KEL: variants seen among roughly 807,000 people sequenced by gnomAD.
KEL encodes Kell metallo-endopeptidase (Kell blood group).
Under a neutral mutation model 99.5 loss-of-function variants are expected in KEL, and 96 were observed. The ratio of observed to expected loss-of-function variants is 0.97; its 90% CI spans 0.82 to 1.14. The LOEUF is 1.14. KEL is among the 50% of genes most tolerant of loss of function. The pLI is 0.00. For missense variants in KEL, 926 were observed against 924.2 expected (o/e 1.00, Z -0.03); for synonymous variants, 355 against 354.8 (o/e 1.00, Z -0.01).
intron 6 of KEL, among the ~76,000 whole-genome samples, chr7:142,955,588 A>G (rs1326426450): frequency 3.3e-5 from 5 of 152,080 alleles, no homozygotes; most frequent in Non-Finnish European, 7.4e-5. Flanking sequence ...TTAAATTAGC[A>G]CCCCAGGTAA....
chr7:142,943,829 G>T lies in KEL; in HGVS notation c.1546C>A (p.Arg516=), dbSNP rs8176034. ...AAGAAGCTCTGGACAATTCTAGCTC[G>T]GAGGGACCGGACACAGCTCAGGACA... ...QSVLSCVRSL[R]ARIVQSFLQP... Residue 516 remains arginine, a synonymous_variant, in exon 14 of 19, where the codon CGA becomes AGA. Coordinates refer to ENST00000355265, the MANE Select transcript of KEL (RefSeq NM_000420.3). 5,701 of 1,614,170 alleles carry T rather than the reference G, an allele frequency of 3.5e-3. 47 individuals carry two copies. Among genetic ancestry groups the T allele is most frequent in the African/African-American group, 0.029 (2,168 of 75,036 alleles).
At chr7:142,949,064 C>T (rs1796607001) in intron 10 of KEL, among the ~76,000 whole-genome samples, 1 of 152,180 alleles carries the variant, frequency 6.6e-6, no homozygotes, top group East Asian at 1.9e-4. Context: ...CACTACCATC[C>T]TACCACTGAA....
At chr7:142,943,440 C>T in intron 15 of KEL, 46 bp downstream of exon 15, 1 of 1,605,166 alleles carries the variant, frequency 6.2e-7, no homozygotes. Context: ...CACCTGTCGG[C>T]CCCTCTTGGG....
intron 6 of KEL, among the ~76,000 whole-genome samples, chr7:142,955,604 A>G (rs562196617): frequency 6.6e-6 from 1 of 152,314 alleles, no homozygotes; most frequent in South Asian, 2.1e-4. Context: ...GGTAAGCACC[A>G]TGTATATTTC....
chr7:142,952,581 C>T lies in KEL; in HGVS notation c.1131G>A (p.Leu377=), dbSNP rs1326329842. Reference sequence around the variant, plus strand: ...TGCGTGCCTCCTGGAATTGACTGTCCAGGGCTGGAGAAAGGGTCACCACCA... The same window carrying T: ...TGCGTGCCTCCTGGAATTGACTGTCTAGGGCTGGAGAAAGGGTCACCACCA... ...LGLVVTLSPA[L]DSQFQEARRK... The change falls in exon 10 of 19, where the codon CTG becomes CTA. Residue 377 remains leucine (L), a synonymous_variant. Transcript: ENST00000355265. The T allele has an allele frequency of 6.2e-7, 1 of 1,614,094 alleles. No individual in the cohort carries two copies. The highest frequency in any genetic ancestry group is 8.5e-7 in the Non-Finnish European group (1 of 1,180,018).
At chr7:142,957,388 G>T (rs894113510) in intron 6 of KEL, among the ~76,000 whole-genome samples, 9 of 152,130 alleles carry the variant, frequency 5.9e-5, no homozygotes, top group South Asian at 4.1e-4. Flanking sequence ...TGCTTGCAAA[G>T]CTTTACTAAA....
At chr7:142,959,970 G>GA (rs1485690858) in intron 4 of KEL, among the ~76,000 whole-genome samples, 2 of 152,102 alleles carry the variant, frequency 1.3e-5, no homozygotes, top group Non-Finnish European at 2.9e-5. Context: ...CCTTGCACTG[G>GA]AAATGCATGT....
At chr7:142,949,939 C>G (rs1441290796) in intron 10 of KEL, among the ~76,000 whole-genome samples, 1 of 152,182 alleles carries the variant, frequency 6.6e-6, no homozygotes, top group Admixed American at 6.5e-5. Context: ...TAACTCTATT[C>G]AAAACTAATC....
At chr7:142,946,037 A>C (rs984533689) in intron 11 of KEL, 170 bp downstream of exon 11, 19 of 622,964 alleles carry the variant, frequency 3.0e-5, no homozygotes, top group Non-Finnish European at 4.6e-5. Context: ...AACTGTTTCC[A>C]CACCAGGGAT....
Position 142,943,007 on chromosome 7 carries a change from G to A in KEL, c.1809C>T (p.Ala603=), listed in dbSNP as rs41309237. The A allele has an allele frequency of 6.2e-7, 1 of 1,614,152 alleles. No individual in the cohort carries two copies. Among genetic ancestry groups the A allele is most frequent in the Non-Finnish European group, 8.5e-7 (1 of 1,180,030 alleles). Residue 603 remains alanine, a synonymous_variant, in exon 17 of 19, where the codon GCC becomes GCT. Coordinates refer to ENST00000355265, the MANE Select transcript of KEL (RefSeq NM_000420.3). ...PGGCLACDNH[A]LQEAHLCLKR... ...TCAGGCACAGGTGAGCTTCCTGGAG[G>A]GCATGGTTGTCACAGGCGAGGCAGC... is the stretch of plus-strand genomic sequence containing the variant.
Position 142,961,353 on chromosome 7 carries a change from T to C in KEL, c.223+7A>G. 3.7e-6 allele frequency: 6 copies of C among 1,613,076 alleles called. No individual in the cohort carries two copies. The highest frequency in any genetic ancestry group is 5.1e-6 in the Non-Finnish European group (6 of 1,180,038). ...GACTAGGTTAGGGGGTCTGGGATCT[T>C]GCTTACGAGGGCCACAGTTCTGGAA... On this transcript the variant is annotated splice_region_variant and intron_variant, in intron 3 of 18. Transcript: ENST00000355265.
chr7:142,949,144 G>A (rs1392076208), intron 10 of KEL, among the ~76,000 whole-genome samples: 7 of 152,146 alleles, frequency 4.6e-5, no homozygotes, highest in African/African-American at 1.2e-4. Context: ...ACCAGTTGTC[G>A]AAATGAAAAC....
intron 10 of KEL, among the ~76,000 whole-genome samples, chr7:142,951,028 C>T (rs2116661579): frequency 6.6e-6 from 1 of 152,302 alleles, no homozygotes; most frequent in East Asian, 1.9e-4. Flanking sequence ...AGTGACTACT[C>T]CATGTATAGC....
intron 6 of KEL, among the ~76,000 whole-genome samples, chr7:142,957,290 C>A (rs947216571): frequency 2.0e-5 from 3 of 152,144 alleles, no homozygotes; most frequent in Admixed American, 6.5e-5. Flanking sequence ...CTGGAAGCAG[C>A]AGTGAGTCAG....
In KEL at chr7:142,961,844, G is replaced by T. The variant is rs747320273; in HGVS notation, c.32C>A (p.Pro11Gln). 1 of 1,614,000 alleles carries T rather than the reference G, an allele frequency of 6.2e-7. No individual in the cohort carries two copies. MEGGDQSEEE[P>Q]RERSQAGGMG... ...TCCACCTGCCTGGCTGCGTTCCCTCGGCTCTTCCTCACTTTGGTCCCCACC... is the reference window on the plus strand; with the variant it reads ...TCCACCTGCCTGGCTGCGTTCCCTCTGCTCTTCCTCACTTTGGTCCCCACC... The change falls in exon 2 of 19, where the codon CCG (proline) becomes CAG (glutamine). Residue 11 changes from proline to glutamine, a missense_variant. Coordinates refer to ENST00000355265, the MANE Select transcript of KEL (RefSeq NM_000420.3).
In KEL at chr7:142,941,230, T is replaced by C. The variant is rs755316816; in HGVS notation, c.*22A>G. 2 of 1,613,618 alleles carry C rather than the reference T, an allele frequency of 1.2e-6. No homozygotes were observed. The highest frequency in any genetic ancestry group is 1.1e-5 in the South Asian group (1 of 91,082). On this transcript the variant is annotated 3_prime_UTR_variant, in exon 19 of 19. Transcript: ENST00000355265. The stretch of plus-strand genomic sequence containing the variant: ...GAGGTGTTGGTCGATATTTCTGTGC[T>C]GTGGCATCTTTGGTAACCAAGTTAC...
Position 142,954,514 on chromosome 7 carries a change from T to G in KEL, c.686A>C (p.Glu229Ala), listed in dbSNP as rs987103650. The change falls in exon 7 of 19, where the codon GAG (glutamate) becomes GCG (alanine). Residue 229 changes from glutamate (E) to alanine (A), a missense_variant. Transcript: ENST00000355265. ...HTPVIQIDQP[E>A]FDVPLKQDQE... ...ATCTTGCTTGAGGGGAACATCAAAC[T>G]CTGGCTGGTCTATCTGGGCACAAGA... The G allele has an allele frequency of 6.2e-7, 1 of 1,613,942 alleles. No individual in the cohort carries two copies. The highest frequency in any genetic ancestry group is 1.3e-5 in the African/African-American group (1 of 74,898).
Position 142,942,944 on chromosome 7 carries a change from G to T in KEL, c.1872C>A (p.Thr624=), listed in dbSNP as rs773211677. Residue 624 remains threonine (T), a synonymous_variant, in exon 17 of 19, where the codon ACC becomes ACA. Coordinates refer to ENST00000355265, the MANE Select transcript of KEL (RefSeq NM_000420.3). ...AGAATGTGAGGGAGTCATTGAAGGA[G>T]GTTCTGCTAGGTAATGGAAAGGCAG... The part of the protein sequence containing the change: ...HYAAFPLPSR[T]SFNDSLTFLE... 8.7e-6 allele frequency: 14 copies of T among 1,614,092 alleles called. No individual in the cohort carries two copies. Among genetic ancestry groups the T allele is most frequent in the Non-Finnish European group, 1.2e-5 (14 of 1,180,042 alleles).
chr7:142,942,867 TTGCATACC>T lies in KEL; in HGVS notation c.1941_1941+7del, dbSNP rs1264873390. 2 of 1,614,030 alleles carry T rather than the reference TTGCATACC, an allele frequency of 1.2e-6. No individual in the cohort carries two copies. The highest frequency in any genetic ancestry group is 1.3e-5 in the African/African-American group (1 of 74,912). On this transcript the variant is annotated splice_donor_variant and splice_donor_5th_base_variant and coding_sequence_variant and intron_variant, in exon 17 of 19. Transcript: ENST00000355265. LOFTEE classifies it high-confidence loss of function. Reference sequence around the variant, plus strand: ...ACACATAAACTGTGGCCCTTGACACTTGCATACCTGCAGCGCGATGGCTAGCCCCCCAA... The same window carrying T: ...ACACATAAACTGTGGCCCTTGACACTTGCAGCGCGATGGCTAGCCCCCCAA...
Sources: gnomAD v4.1 joint callset for allele counts (sites outside exome capture counted in the v4.1 genomes callset) on GRCh38, gnomAD v4.1.1 for gene constraint, MANE v1.5 for transcripts, NCBI Gene and HGNC (gene_info 2026-07-23, HGNC 2026-07-21) for gene names.